Variants in PEAK1 observed in about 807,000 individuals in gnomAD.
PEAK1 encodes the protein inactive tyrosine-protein kinase PEAK1.
Under a neutral mutation model 124.7 loss-of-function variants are expected in PEAK1, and 54 were observed. The ratio of observed to expected loss-of-function variants is 0.43; its 90% CI spans 0.35 to 0.54. The LOEUF is 0.54. Ranked by LOEUF, PEAK1 falls within the 20% of genes least tolerant of loss-of-function variation. The probability of loss-of-function intolerance (pLI) is 0.01; values close to 1 mark genes in which losing one functional copy is unlikely to be tolerated. For synonymous variants in PEAK1, 719 were observed against 760.0 expected (o/e 0.95, Z 0.89); for missense variants, 2,046 against 2,134.5 (o/e 0.96, Z 0.82).
intron 6 of PEAK1, among the ~76,000 whole-genome samples, chr15:77,200,057 A>G (rs962683120): frequency 1.3e-5 from 2 of 152,186 alleles, no homozygotes; most frequent in African/African-American, 4.8e-5. Context: ...AAGTGGGCCT[A>G]TCTTTCCTGC....
chr15:77,347,818 CA>C (rs1243620232), intron 2 of PEAK1: 20 of 984,764 alleles, frequency 2.0e-5, no homozygotes, highest in Non-Finnish European at 2.3e-5. Flanking sequence ...ATAGCAAGCA[CA>C]AAACAGTGTT....
At chr15:77,370,206 T>C (rs1360324990) in intron 1 of PEAK1, among the ~76,000 whole-genome samples, 1 of 152,190 alleles carries the variant, frequency 6.6e-6, no homozygotes, top group Non-Finnish European at 1.5e-5. Context: ...GTTTCTCTCC[T>C]ATGGACATGA....
At chr15:77,165,716 C>T (rs889718376) in intron 7 of PEAK1, among the ~76,000 whole-genome samples, 4 of 152,176 alleles carry the variant, frequency 2.6e-5, no homozygotes, top group African/African-American at 7.2e-5. Flanking sequence ...CCTATAGGTA[C>T]TCAGAACACC....
chr15:77,225,826 C>A (rs1449408071), intron 6 of PEAK1, among the ~76,000 whole-genome samples: 1 of 146,294 alleles, frequency 6.8e-6, no homozygotes, highest in Non-Finnish European at 1.5e-5. Context: ...AACACACAGT[C>A]ATAAAGAAAT....
intron 2 of PEAK1, among the ~76,000 whole-genome samples, chr15:77,315,741 G>A (rs185446466): frequency 6.6e-6 from 1 of 151,846 alleles, no homozygotes; most frequent in African/African-American, 2.4e-5. Flanking sequence ...TCACAAAAGA[G>A]GGACATTCTA....
Position 77,236,533 on chromosome 15 carries a change from A to G in PEAK1, c.-115+15834T>C, listed in dbSNP as rs140188941. ...CTTGGAAGGAACTAACTTGTTTTTG[A>G]CTTTACAGGCTCATAGGTGGATGGA... is the stretch of plus-strand genomic sequence containing the variant. On this transcript the variant is annotated intron_variant, in intron 6 of 9. Coordinates refer to ENST00000682557, the MANE Select transcript of PEAK1 (RefSeq NM_001385026.1). 7.7e-3 allele frequency among the ~76,000 whole-genome samples: 1,170 copies of G among 152,152 alleles called. 41 individuals are homozygous for G. The highest frequency in any genetic ancestry group is 0.059 in the Admixed American group (900 of 15,280).
intron 1 of PEAK1, among the ~76,000 whole-genome samples, chr15:77,378,269 G>C (rs1292170739): frequency 6.7e-6 from 1 of 150,212 alleles, no homozygotes; most frequent in Non-Finnish European, 1.5e-5. Context: ...CCTGTAAAAA[G>C]GCCAACCACA....
chr15:77,118,495 C>A (rs2051600722), intron 9 of PEAK1, among the ~76,000 whole-genome samples: 1 of 152,044 alleles, frequency 6.6e-6, no homozygotes, highest in Non-Finnish European at 1.5e-5. Context: ...AGAAAACAAA[C>A]CAATTTTTCA....
intron 2 of PEAK1, among the ~76,000 whole-genome samples, chr15:77,324,149 C>T (rs1030079105): frequency 6.6e-6 from 1 of 152,184 alleles, no homozygotes; most frequent in African/African-American, 2.4e-5. Context: ...GGAATATGCG[C>T]TCAATAAATG....
chr15:77,200,879 T>C (rs2058328774), intron 6 of PEAK1, among the ~76,000 whole-genome samples: 1 of 152,072 alleles, frequency 6.6e-6, no homozygotes, highest in African/African-American at 2.4e-5. Flanking sequence ...AAATTTCTTC[T>C]TTCTTTCTAT....
chr15:77,297,694 G>A (rs1011843990), intron 2 of PEAK1, among the ~76,000 whole-genome samples: 1 of 147,422 alleles, frequency 6.8e-6, no homozygotes, highest in African/African-American at 2.5e-5. Flanking sequence ...GGGAGGCAGA[G>A]GTTGCAGTGA....
At chr15:77,222,869 A>T (rs917622725) in intron 6 of PEAK1, among the ~76,000 whole-genome samples, 1 of 152,068 alleles carries the variant, frequency 6.6e-6, no homozygotes, top group African/African-American at 2.4e-5. Flanking sequence ...CTTACAGGCA[A>T]AAAGTCAAAC....
intron 2 of PEAK1, among the ~76,000 whole-genome samples, chr15:77,340,537 T>C (rs1250995031): frequency 6.6e-6 from 1 of 152,228 alleles, no homozygotes; most frequent in African/African-American, 2.4e-5. Context: ...ATGGAATATC[T>C]ACCATTACCA....
intron 6 of PEAK1, among the ~76,000 whole-genome samples, chr15:77,240,924 A>C (rs930884885): frequency 4.6e-5 from 7 of 152,208 alleles, no homozygotes; most frequent in Admixed American, 2.6e-4. Context: ...CCAGAAGAGG[A>C]AGATATACTT....
intron 7 of PEAK1, 32 bp downstream of exon 7, chr15:77,178,758 A>C: frequency 1.3e-6 from 2 of 1,578,976 alleles, no homozygotes; most frequent in Non-Finnish European, 1.7e-6. Flanking sequence ...GTGTTAAAAA[A>C]TTCCCATATT....
intron 6 of PEAK1, among the ~76,000 whole-genome samples, chr15:77,190,040 TAATC>T (rs1328564308): frequency 6.6e-6 from 1 of 152,202 alleles, no homozygotes; most frequent in Non-Finnish European, 1.5e-5. Context: ...TATAGCCACA[TAATC>T]AGAGTGAGCA....
At chr15:77,205,688 T>C (rs1010725272) in intron 6 of PEAK1, among the ~76,000 whole-genome samples, 4 of 152,146 alleles carry the variant, frequency 2.6e-5, no homozygotes, top group Non-Finnish European at 4.4e-5. Context: ...TGCTATTAAA[T>C]TGTGAATTGG....
At chr15:77,335,846 T>C (rs891744680) in intron 2 of PEAK1, 1 of 985,404 alleles carries the variant, frequency 1.0e-6, no homozygotes, top group Non-Finnish European at 1.2e-6. Context: ...AATCTCCATT[T>C]TACCAATTCA....
At chr15:77,305,877 G>C (rs552173977) in intron 2 of PEAK1, among the ~76,000 whole-genome samples, 1 of 152,164 alleles carries the variant, frequency 6.6e-6, no homozygotes, top group South Asian at 2.1e-4. Flanking sequence ...TTATTGTGTT[G>C]CTATTTTTTA....
Sources: allele counts gnomAD v4.1 joint callset (sites outside exome capture counted in the v4.1 genomes callset), GRCh38; gene constraint gnomAD v4.1.1; transcripts MANE v1.5; gene names NCBI Gene and HGNC (gene_info 2026-07-23, HGNC 2026-07-21).